Variants in SH3PXD2A observed in about 807,000 individuals in gnomAD.
SH3PXD2A encodes the protein SH3 and PX domains 2A.
In SH3PXD2A, 32 loss-of-function variants were observed where a neutral mutation model predicts 115.2. The observed-to-expected ratio is 0.28, with a 90% CI of 0.21 to 0.37. The LOEUF (loss-of-function observed/expected upper bound fraction) is 0.37. SH3PXD2A is among the 10% of genes least tolerant of loss of function. The pLI, the probability that SH3PXD2A is intolerant of heterozygous loss-of-function variation, is 1.00. For synonymous variants in SH3PXD2A, 610 were observed against 629.1 expected, an observed-to-expected ratio of 0.97 and a Z score of 0.45; for missense variants, 1,328 against 1,498.7, an observed-to-expected ratio of 0.89 and a Z score of 1.88.
At chr10:103,645,910 A>C (rs998647961) in intron 8 of SH3PXD2A, among the ~76,000 whole-genome samples, 5 of 152,208 alleles carry the variant, frequency 3.3e-5, no homozygotes, top group African/African-American at 1.2e-4. Context: ...TGGATTCACC[A>C]AGAGGCAGCA....
chr10:103,670,467 G>A (rs1021479135), intron 6 of SH3PXD2A, among the ~76,000 whole-genome samples: 1 of 152,194 alleles, frequency 6.6e-6, no homozygotes, highest in Non-Finnish European at 1.5e-5. Flanking sequence ...TCCCATGAAC[G>A]TGGTTAGCAT....
intron 4 of SH3PXD2A, 31 bp downstream of exon 4, chr10:103,735,701 G>GCCCCCCCCCCCC: frequency 7.8e-7 from 1 of 1,278,294 alleles, no homozygotes; most frequent in Non-Finnish European, 1.1e-6. Context: ...CCCTCCCCGA[G>GCCCCCCCCCCCC]CCCCTCCCCC....
chr10:103,808,805 A>G (rs2039234412), intron 1 of SH3PXD2A, among the ~76,000 whole-genome samples: 1 of 152,162 alleles, frequency 6.6e-6, no homozygotes, highest in Admixed American at 6.5e-5. Flanking sequence ...CTCCCTATCC[A>G]TGCAAACTAT....
intron 8 of SH3PXD2A, among the ~76,000 whole-genome samples, chr10:103,647,310 C>T (rs1461261851): frequency 6.6e-6 from 1 of 152,194 alleles, no homozygotes; most frequent in East Asian, 1.9e-4. Context: ...TCCTGCCCAA[C>T]CTGGCTATGA....
chr10:103,832,609 T>C (rs572153462), intron 1 of SH3PXD2A, among the ~76,000 whole-genome samples: 2 of 152,256 alleles, frequency 1.3e-5, no homozygotes, highest in Admixed American at 1.3e-4. Flanking sequence ...TGTAGGGACA[T>C]GGATGAAGCT....
At position 103,603,573 on chromosome 10, in the gene SH3PXD2A, G is replaced by A. The variant is rs751523064; in HGVS notation, c.1645C>T (p.Arg549Trp). 1.2e-5 allele frequency: 20 copies of A among 1,610,942 alleles called. No individual in the cohort carries two copies. Among genetic ancestry groups the A allele is most frequent in the Middle Eastern group, 3.3e-4 (2 of 6,062 alleles). Residue 549 changes from arginine (R) to tryptophan (W), a missense_variant, in exon 15 of 15, where the codon CGG (arginine) becomes TGG (tryptophan). Around this residue, in one of 5 missense-constraint regions of SH3PXD2A, gnomAD observed 509 missense variants for 628.3 expected, o/e 0.81. Transcript: ENST00000369774. ...TCAGGCTCCTCATACTTGAGCTTCC[G>A]CGGGGAGTCCTGGCTCTCACTGGCC... ...TGASESQDSP[R>W]KLKYEEPEYD... is the part of the protein sequence containing the mutation.
In SH3PXD2A at chr10:103,620,066, AC is replaced by A. The variant is rs1454431517; in HGVS notation, c.802+2403del. On this transcript the variant is annotated intron_variant, in intron 10 of 14. Transcript: ENST00000369774. This position sits in a 1 kb window ranked among gnomAD's most constrained non-coding sequence, Gnocchi z 5.3. ...GAAGAGAGACTTGCCTGGGCCACAA[AC>A]CCCATCTGGGGGCGCCAGACAAGAG... 6.6e-6 allele frequency among the ~76,000 whole-genome samples: 1 copy of A among 152,152 alleles called. No individual in the cohort carries two copies. The highest frequency in any genetic ancestry group is 1.5e-5 in the Non-Finnish European group (1 of 68,016).
At chr10:103,698,844 G>T (rs1010050107) in intron 5 of SH3PXD2A, among the ~76,000 whole-genome samples, 1 of 152,044 alleles carries the variant, frequency 6.6e-6, no homozygotes, top group South Asian at 2.1e-4. Context: ...AACATCCCAG[G>T]TAGCTTCCTG....
At chr10:103,787,093 A>G (rs911543) in intron 2 of SH3PXD2A, among the ~76,000 whole-genome samples, 126,827 of 152,156 alleles carry the variant, frequency 0.83, 53,430 homozygotes, top group East Asian at 1. Context: ...TATCAAGCCT[A>G]TCTGAACTCC....
chr10:103,654,535 G>A (rs1240392640), intron 8 of SH3PXD2A, among the ~76,000 whole-genome samples: 1 of 152,164 alleles, frequency 6.6e-6, no homozygotes, highest in Non-Finnish European at 1.5e-5. Context: ...CACCCACTGT[G>A]TGTCAGGCCC....
intron 8 of SH3PXD2A, among the ~76,000 whole-genome samples, chr10:103,640,827 G>C (rs1189302871): frequency 6.6e-6 from 1 of 152,184 alleles, no homozygotes; most frequent in African/African-American, 2.4e-5. Context: ...GCCTGGCAGT[G>C]AGTGAGCTAC....
At chr10:103,720,558 G>T (rs2038170187) in intron 5 of SH3PXD2A, among the ~76,000 whole-genome samples, 1 of 152,244 alleles carries the variant, frequency 6.6e-6, no homozygotes, top group African/African-American at 2.4e-5. Context: ...GGACCCTGCA[G>T]CAGCACACTT....
In SH3PXD2A at chr10:103,664,964, C is replaced by T. The variant is rs374019576; in HGVS notation, c.472+3644G>A. 7.2e-5 allele frequency among the ~76,000 whole-genome samples: 11 copies of T among 152,160 alleles called. No homozygotes were observed. In the East Asian group the frequency reaches 7.7e-4, roughly 11 times the overall value. ...CTGGGATTATAGGCATAAGCCACCA[C>T]GCCTGGCCTAGAGTATGGGTTTCTA... On this transcript the variant is annotated intron_variant, in intron 7 of 14. Coordinates refer to ENST00000369774, the MANE Select transcript of SH3PXD2A (RefSeq NM_001394015.1).
intron 2 of SH3PXD2A, among the ~76,000 whole-genome samples, chr10:103,767,617 C>T (rs2038767962): frequency 6.6e-6 from 1 of 152,148 alleles, no homozygotes; most frequent in Non-Finnish European, 1.5e-5. Context: ...AGACAGACCA[C>T]CCACCTTCCA....
chr10:103,836,705 A>ACACACACC (rs748978297), intron 1 of SH3PXD2A, among the ~76,000 whole-genome samples: 14 of 149,582 alleles, frequency 9.4e-5, no homozygotes, highest in African/African-American at 3.2e-4. Context: ...ACACACACAC[A>ACACACACC]CCCCTTCTTT....
intron 6 of SH3PXD2A, among the ~76,000 whole-genome samples, chr10:103,691,984 C>A (rs1436982912): frequency 6.6e-6 from 1 of 152,192 alleles, no homozygotes; most frequent in East Asian, 1.9e-4. Context: ...CACAGGGGCA[C>A]TCCCCTCAAC....
chr10:103,636,339 G>T (rs897325647), intron 8 of SH3PXD2A, among the ~76,000 whole-genome samples: 57 of 151,926 alleles, frequency 3.8e-4, no homozygotes, highest in Admixed American at 3.2e-3. Context: ...AACCTGAGAG[G>T]CGGAGCTTGC....
intron 1 of SH3PXD2A, among the ~76,000 whole-genome samples, chr10:103,835,176 C>A (rs1265205430): frequency 2.0e-5 from 3 of 152,204 alleles, no homozygotes; most frequent in African/African-American, 7.2e-5. Context: ...CTCCCAGCAG[C>A]TCTGGAAACC....
intron 10 of SH3PXD2A, among the ~76,000 whole-genome samples, chr10:103,621,383 G>C (rs1377931594): frequency 6.6e-6 from 1 of 152,236 alleles, no homozygotes; most frequent in Non-Finnish European, 1.5e-5. Flanking sequence ...AGCCCAGGCT[G>C]TGCCCTCAGG....
Sources: allele counts gnomAD v4.1 joint callset (sites outside exome capture counted in the v4.1 genomes callset), GRCh38; gene constraint gnomAD v4.1.1; regional missense constraint gnomAD v4.1.1; non-coding constraint Gnocchi (gnomAD v3.1); transcripts MANE v1.5; gene names NCBI Gene and HGNC (gene_info 2026-07-23, HGNC 2026-07-21).